The following REDIC1 variants were observed in gnomAD, a reference collection of about 807,000 sequenced individuals.
REDIC1 encodes HEI10 Interacting Protein 1.
At chr12:39,815,457 G>A in the REDIC1 span, among the ~76,000 whole-genome samples, 1 of 152,140 alleles carries the variant, frequency 6.6e-6, no homozygotes, top group East Asian at 1.9e-4. Flanking sequence ...CTCGTAGGCT[G>A]GAGCATTCTT....
chr12:39,683,720 A>C, the REDIC1 span, among the ~76,000 whole-genome samples: 1 of 151,882 alleles, frequency 6.6e-6, no homozygotes, highest in African/African-American at 2.4e-5. Flanking sequence ...AGTGTTGATT[A>C]GATTTGAGGA....
the REDIC1 span, among the ~76,000 whole-genome samples, chr12:39,763,194 T>C: frequency 2.6e-5 from 4 of 152,086 alleles, no homozygotes; most frequent in Non-Finnish European, 5.9e-5. Context: ...CAGCTGAATA[T>C]ACTAAATATA....
At chr12:39,629,960 A>T in the REDIC1 span, among the ~76,000 whole-genome samples, 1 of 152,040 alleles carries the variant, frequency 6.6e-6, no homozygotes, top group Non-Finnish European at 1.5e-5. Context: ...TTAAAATATC[A>T]ATCTATTGTC....
chr12:39,740,968 A>T, the REDIC1 span, among the ~76,000 whole-genome samples: 1 of 151,864 alleles, frequency 6.6e-6, no homozygotes, highest in African/African-American at 2.4e-5. Context: ...TTTACATATT[A>T]TTATTATTAT....
chr12:39,853,978 C>T, the REDIC1 span, among the ~76,000 whole-genome samples: 3 of 151,994 alleles, frequency 2.0e-5, no homozygotes, highest in African/African-American at 7.2e-5. Flanking sequence ...AAAATAAAAT[C>T]CTAGTGTTTA....
At chr12:39,652,154 G>A in the REDIC1 span, among the ~76,000 whole-genome samples, 1 of 152,040 alleles carries the variant, frequency 6.6e-6, no homozygotes, top group Non-Finnish European at 1.5e-5. Flanking sequence ...CTGTTCATGG[G>A]CATTTGGTGT....
the REDIC1 span, among the ~76,000 whole-genome samples, chr12:39,693,881 A>G: frequency 2.0e-5 from 3 of 152,174 alleles, no homozygotes; most frequent in African/African-American, 7.2e-5. Flanking sequence ...ATTTTGATAT[A>G]TATATATTTC....
the REDIC1 span, among the ~76,000 whole-genome samples, chr12:39,732,396 G>GGTGTGTGTT: frequency 3.3e-4 from 50 of 152,140 alleles, no homozygotes; most frequent in African/African-American, 1.1e-3. Flanking sequence ...GATTGTTAGT[G>GGTGTGTGTT]GTGTGTGTTT....
At chr12:39,646,018 T>C in the REDIC1 span, among the ~76,000 whole-genome samples, 1 of 152,056 alleles carries the variant, frequency 6.6e-6, no homozygotes, top group African/African-American at 2.4e-5. Context: ...AGGGAAAATA[T>C]ATATAGTACT....
At chr12:39,886,317 G>A in the REDIC1 span, among the ~76,000 whole-genome samples, 2 of 151,962 alleles carry the variant, frequency 1.3e-5, no homozygotes, top group African/African-American at 4.8e-5. Flanking sequence ...CAAAGGGAGA[G>A]GCCTATAATT....
chr12:39,705,335 A>C, the REDIC1 span, among the ~76,000 whole-genome samples: 2 of 152,074 alleles, frequency 1.3e-5, no homozygotes, highest in Admixed American at 6.6e-5. Flanking sequence ...TCTCCCAGGA[A>C]ATAAAGCCTG....
At chr12:39,843,469 A>G in the REDIC1 span, among the ~76,000 whole-genome samples, 10 of 152,124 alleles carry the variant, frequency 6.6e-5, no homozygotes, top group African/African-American at 2.2e-4. Flanking sequence ...CAAATAAATC[A>G]GCAAATACAT....
chr12:39,813,124 C>T, the REDIC1 span, among the ~76,000 whole-genome samples: 84 of 145,568 alleles, frequency 5.8e-4, 1 homozygote, highest in South Asian at 0.017. Flanking sequence ...GGATTACAGG[C>T]GTGACCCACT....
At chr12:39,735,028 A>G in the REDIC1 span, among the ~76,000 whole-genome samples, 1 of 152,348 alleles carries the variant, frequency 6.6e-6, no homozygotes, top group East Asian at 1.9e-4. Flanking sequence ...TCTTTTGCCT[A>G]GAGTGCGCTT....
the REDIC1 span, among the ~76,000 whole-genome samples, chr12:39,631,442 G>A: frequency 6.6e-6 from 1 of 151,928 alleles, no homozygotes; most frequent in South Asian, 2.1e-4. Flanking sequence ...TTGATGGAGT[G>A]CCTACTTTTA....
chr12:39,856,377 T>G, the REDIC1 span, among the ~76,000 whole-genome samples: 1 of 152,176 alleles, frequency 6.6e-6, no homozygotes. Context: ...ATTTATTTTA[T>G]TTTATTTTTT....
At chr12:39,684,525 G>T in the REDIC1 span, among the ~76,000 whole-genome samples, 3 of 152,156 alleles carry the variant, frequency 2.0e-5, no homozygotes, top group African/African-American at 7.2e-5. Context: ...TGGCAAATTT[G>T]TATTTTTGTT....
At chr12:39,711,791 G>A in the REDIC1 span, among the ~76,000 whole-genome samples, 30 of 130,562 alleles carry the variant, frequency 2.3e-4, no homozygotes, top group African/African-American at 7.8e-4. Flanking sequence ...GTGTATGTGT[G>A]TGTACACATG....
the REDIC1 span, among the ~76,000 whole-genome samples, chr12:39,811,740 T>C: frequency 6.6e-6 from 1 of 152,178 alleles, no homozygotes; most frequent in Non-Finnish European, 1.5e-5. Context: ...TCTGATAATA[T>C]TCCTTAATCT....
Sources: gnomAD v4.1 joint callset for allele counts (sites outside exome capture counted in the v4.1 genomes callset) on GRCh38, gnomAD v4.1.1 for gene constraint, MANE v1.5 for transcripts, NCBI Gene and HGNC (gene_info 2026-07-23, HGNC 2026-07-21) for gene names.